The following NAV2 variants were observed in gnomAD, a reference collection of about 807,000 sequenced individuals.
NAV2 encodes helicase, APC down-regulated 1.
NAV2 carries 54 observed loss-of-function variants against 223.2 expected under a neutral mutation model. That is an observed-to-expected ratio of 0.24 (90% confidence interval 0.19 to 0.30). NAV2 has a LOEUF of 0.30. Among genes scored for constraint, NAV2 ranks in the 10% least tolerant of loss-of-function variants. NAV2 has a pLI of 1.00. For synonymous variants in NAV2, 1,279 were observed against 1,239.3 expected, an observed-to-expected ratio of 1.03 and a Z score of -0.67; for missense variants, 2,806 against 3,147.5, an observed-to-expected ratio of 0.89 and a Z score of 2.60.
At position 19,670,480 on chromosome 11, in the gene NAV2, G is replaced by A. The variant is rs530948873; in HGVS notation, c.76-162004G>A. ...ACCCTTGCAGTGCTCAGGGAACCCC[G>A]CGGAGAGGGGACAGTGCATGTTCTT... On this transcript the variant is annotated intron_variant, in intron 1 of 37. Transcript: ENST00000360655. Among the ~76,000 whole-genome samples the A allele has an allele frequency of 3.2e-4, 49 of 152,318 alleles. 1 individual carries two copies. The highest frequency in any genetic ancestry group is 1.9e-3 in the Admixed American group (29 of 15,304).
At chr11:20,046,335 CAA>C (rs778055012) in intron 14 of NAV2, among the ~76,000 whole-genome samples, 30 of 94,860 alleles carry the variant, frequency 3.2e-4, no homozygotes, top group Admixed American at 3.4e-4. Flanking sequence ...GACTCCATCT[CAA>C]AAAAAAAAAA....
intron 1 of NAV2, among the ~76,000 whole-genome samples, chr11:19,769,728 G>A (rs1249254500): frequency 6.6e-6 from 1 of 151,824 alleles, no homozygotes; most frequent in African/African-American, 2.4e-5. Flanking sequence ...TAAGGGAAAG[G>A]TTTCCCAAGC....
chr11:19,580,002 A>G (rs1203581633), intron 1 of NAV2, among the ~76,000 whole-genome samples: 3 of 152,224 alleles, frequency 2.0e-5, no homozygotes, highest in African/African-American at 4.8e-5. Flanking sequence ...AAAACCTCCA[A>G]TTGGACAATT....
At chr11:19,778,903 G>C (rs908026198) in intron 1 of NAV2, among the ~76,000 whole-genome samples, 11 of 152,100 alleles carry the variant, frequency 7.2e-5, no homozygotes, top group Admixed American at 5.9e-4. Context: ...GCTGGGTCCC[G>C]ATCTGAACTG....
At chr11:20,069,454 G>A (rs538480988) in intron 22 of NAV2, among the ~76,000 whole-genome samples, 15 of 152,244 alleles carry the variant, frequency 9.9e-5, no homozygotes, top group East Asian at 1.9e-4. Flanking sequence ...CTCTCAGTGC[G>A]TTTTAAGTAA....
chr11:19,850,819 G>T (rs2061074780), intron 3 of NAV2, among the ~76,000 whole-genome samples: 1 of 152,118 alleles, frequency 6.6e-6, no homozygotes, highest in Non-Finnish European at 1.5e-5. Flanking sequence ...TGTTCTAAGT[G>T]CCTTCCATGT....
At chr11:19,468,495 G>T (rs1852450082) in intron 1 of NAV2, among the ~76,000 whole-genome samples, 1 of 152,108 alleles carries the variant, frequency 6.6e-6, no homozygotes, top group African/African-American at 2.4e-5. Context: ...GGGTGTCTCT[G>T]TGTCTTCTTG....
intron 15 of NAV2, 65 bp from the exon 16 acceptor site, chr11:20,049,768 TAAC>T: frequency 1.3e-6 from 2 of 1,486,094 alleles, no homozygotes; most frequent in South Asian, 1.1e-5. Flanking sequence ...AAAATGTATA[TAAC>T]AACACCTCTC....
At chr11:19,565,236 T>G (rs1462340003) in intron 1 of NAV2, among the ~76,000 whole-genome samples, 1 of 152,188 alleles carries the variant, frequency 6.6e-6, no homozygotes, top group Non-Finnish European at 1.5e-5. Context: ...TACTCCTACA[T>G]CAATCAAATC....
intron 11 of NAV2, among the ~76,000 whole-genome samples, chr11:20,013,021 C>T (rs2053697328): frequency 6.6e-6 from 1 of 152,110 alleles, no homozygotes; most frequent in African/African-American, 2.4e-5. Flanking sequence ...ACAGTAAACA[C>T]CATGATAAGA....
At position 20,120,715 on chromosome 11, in the gene NAV2, G is replaced by A. The variant is rs2063432279; in HGVS notation, c.*2457G>A. 1 of 152,406 alleles carries A rather than the reference G, an allele frequency of 6.6e-6. No individual in the cohort carries two copies. The highest frequency in any genetic ancestry group is 2.1e-4 in the South Asian group (1 of 4,832). 9.4% of individuals were successfully genotyped at this position (152,406 alleles called of 1,614,324 possible). On this transcript the variant is annotated 3_prime_UTR_variant, in exon 38 of 38. Transcript: ENST00000349880. Reference sequence around the variant, plus strand: ...TAGTGCTGCCTGATTGGTGAACATTGACTTCAAGTAGCATAGCCCTTGTGT... The same window carrying A: ...TAGTGCTGCCTGATTGGTGAACATTAACTTCAAGTAGCATAGCCCTTGTGT...
At chr11:19,550,125 C>T (rs538682879) in intron 1 of NAV2, among the ~76,000 whole-genome samples, 1 of 152,232 alleles carries the variant, frequency 6.6e-6, no homozygotes, top group East Asian at 1.9e-4. Flanking sequence ...GTTCTAATAC[C>T]CGGAGGCAGC....
chr11:20,056,403 T>G, intron 19 of NAV2: 8 of 709,726 alleles, frequency 1.1e-5, no homozygotes, highest in Non-Finnish European at 1.7e-5. Flanking sequence ...TGCTCCAGAA[T>G]TTTTCATCTC....
At chr11:20,058,013 A>C (rs1163914627) in intron 19 of NAV2, among the ~76,000 whole-genome samples, 2 of 152,260 alleles carry the variant, frequency 1.3e-5, no homozygotes, top group Admixed American at 6.5e-5. Context: ...CTGTGAATAC[A>C]TAACATTATC....
chr11:20,047,997 A>G (rs914698987), intron 14 of NAV2, among the ~76,000 whole-genome samples: 127 of 152,258 alleles, frequency 8.3e-4, no homozygotes, highest in African/African-American at 3.1e-3. Flanking sequence ...TTGTAGTCTG[A>G]TGGCACATTT....
At chr11:19,377,399 C>G (rs948822488) in intron 1 of NAV2, among the ~76,000 whole-genome samples, 35 of 152,194 alleles carry the variant, frequency 2.3e-4, no homozygotes, top group Admixed American at 1.0e-3. Context: ...AACTCCTACC[C>G]TGCTCTGTTC....
At chr11:19,891,065 C>G (rs1218193214) in intron 5 of NAV2, among the ~76,000 whole-genome samples, 1 of 152,174 alleles carries the variant, frequency 6.6e-6, no homozygotes, top group Non-Finnish European at 1.5e-5. Flanking sequence ...CACACCAGCT[C>G]ATGTTCTCTG....
At chr11:19,616,071 GA>G (rs1311364324) in intron 1 of NAV2, among the ~76,000 whole-genome samples, 1 of 152,000 alleles carries the variant, frequency 6.6e-6, no homozygotes, top group African/African-American at 2.4e-5. Context: ...CCAGGGTGCA[GA>G]ATTTTTACAA....
At chr11:19,904,685 T>TA (rs1013910972) in intron 6 of NAV2, among the ~76,000 whole-genome samples, 63 of 149,160 alleles carry the variant, frequency 4.2e-4, no homozygotes, top group East Asian at 2.7e-3. Context: ...GGAGTAAAAG[T>TA]AAAAAAAAAA....
Sources: gnomAD v4.1 joint callset for allele counts (sites outside exome capture counted in the v4.1 genomes callset) on GRCh38, gnomAD v4.1.1 for gene constraint, MANE v1.5 for transcripts, NCBI Gene and HGNC (gene_info 2026-07-23, HGNC 2026-07-21) for gene names.